ANKRD28: variants seen among roughly 807,000 people sequenced by gnomAD.
ANKRD28 encodes serine/threonine-protein phosphatase 6 regulatory ankyrin repeat subunit A.
A neutral mutation model predicts 126.5 loss-of-function variants in ANKRD28; 44 were observed. That is an observed-to-expected ratio of 0.35 (90% CI 0.27 to 0.45). The LOEUF is 0.45. ANKRD28 is among the 20% of genes least tolerant of loss of function. ANKRD28 has a pLI of 1.00. For synonymous variants in ANKRD28, 442 were observed against 468.5 expected (o/e 0.94, Z 0.73); for missense variants, 1,110 against 1,316.6 (o/e 0.84, Z 2.43).
At chr3:15,725,657 A>T (rs2074102125) in intron 6 of ANKRD28, among the ~76,000 whole-genome samples, 1 of 152,074 alleles carries the variant, frequency 6.6e-6, no homozygotes, top group Admixed American at 6.6e-5. Flanking sequence ...AAACTTTTTC[A>T]ATGTTATTTT....
intron 18 of ANKRD28, among the ~76,000 whole-genome samples, chr3:15,689,406 T>C (rs1354680018): frequency 6.6e-6 from 1 of 152,214 alleles, no homozygotes; most frequent in East Asian, 1.9e-4. Context: ...GCAGCCATCA[T>C]CAAAAGATGA....
At chr3:15,743,863 C>A (rs371841015) in intron 4 of ANKRD28, among the ~76,000 whole-genome samples, 34 of 152,238 alleles carry the variant, frequency 2.2e-4, no homozygotes, top group African/African-American at 7.7e-4. Context: ...TAAGGTAGTA[C>A]GGTATGTGCT....
intron 8 of ANKRD28, 74 bp downstream of exon 8, chr3:15,720,841 C>G: frequency 3.8e-6 from 5 of 1,329,408 alleles, no homozygotes; most frequent in Non-Finnish European, 5.2e-6. Flanking sequence ...TTTTATTGCT[C>G]AATGGTATTC....
In ANKRD28 at chr3:15,694,730, A is replaced by T; in HGVS notation, c.1761+9T>A. 6.2e-7 allele frequency: 1 copy of T among 1,611,260 alleles called. No homozygotes were observed. Among genetic ancestry groups the T allele is most frequent in the Non-Finnish European group, 8.5e-7 (1 of 1,177,510 alleles). On this transcript the variant is annotated intron_variant, in intron 17 of 27. Transcript: ENST00000683139. ...CAGCCATCAAGTCGGCTATGAAGGC[A>T]GTACTCACAGCCAAGTGTAAAGGGC...
intron 1 of ANKRD28, among the ~76,000 whole-genome samples, chr3:15,819,565 A>G (rs1475026115): frequency 6.6e-6 from 1 of 152,194 alleles, no homozygotes; most frequent in Admixed American, 6.5e-5. Flanking sequence ...AGTACAGGAA[A>G]CCAGATGACT....
intron 1 of ANKRD28, 92 bp downstream of exon 1, chr3:15,796,313 A>C: frequency 1.3e-6 from 1 of 759,612 alleles, no homozygotes; most frequent in Non-Finnish European, 1.7e-6. Context: ...TTTGTAAAGA[A>C]ACTATTGGAA....
intron 9 of ANKRD28, 30 bp downstream of exon 9, chr3:15,714,547 AC>A (rs1553604438): frequency 3.4e-6 from 5 of 1,463,654 alleles, no homozygotes; most frequent in African/African-American, 1.5e-5. Flanking sequence ...AAAAAAAAAA[AC>A]CCCAAAAAAA....
At chr3:15,752,170 T>A (rs1032782523) in intron 3 of ANKRD28, among the ~76,000 whole-genome samples, 1 of 152,166 alleles carries the variant, frequency 6.6e-6, no homozygotes, top group Admixed American at 6.5e-5. Context: ...TATAAGAATA[T>A]ACTTGGAGAT....
chr3:15,850,197 A>AT lies in ANKRD28; in HGVS notation c.27+9179_27+9180insA, dbSNP rs1450965953. 9.1e-4 allele frequency among the ~76,000 whole-genome samples: 46 copies of AT among 50,558 alleles called. 1 individual carries two copies. The East Asian group carries it at 0.026, about 29-fold the overall frequency. The allele number at this position is 50,558 out of a possible 152,430, so 33.2% of individuals were successfully genotyped here. On this transcript the variant is annotated intron_variant, in intron 1 of 27. Transcript: ENST00000399451. ...CTGGGTATCTACATGCAATAAAAAA[A>AT]AAAAAAAATATATATATATATATAT...
intron 1 of ANKRD28, among the ~76,000 whole-genome samples, chr3:15,803,088 C>A (rs1315490142): frequency 6.6e-6 from 1 of 152,130 alleles, no homozygotes; most frequent in Admixed American, 6.5e-5. Context: ...ATAGAGAGGC[C>A]TTGTAAACCA....
chr3:15,839,948 C>A lies in ANKRD28; in HGVS notation c.27+19429G>T, dbSNP rs1462879586. Among the ~76,000 whole-genome samples, 1 of 152,172 alleles carries A rather than the reference C, an allele frequency of 6.6e-6. No individual in the cohort carries two copies. The highest frequency in any genetic ancestry group is 1.5e-5 in the Non-Finnish European group (1 of 68,030). ...CCACAGACACATAGCTAGTATCACA[C>A]TGAATGGGGAAAATTGGAAAGTCTA... On this transcript the variant is annotated intron_variant, in intron 1 of 27. Transcript: ENST00000399451. The surrounding 1 kb of genome is among the most constrained non-coding windows in gnomAD (Gnocchi z 4.3).
At chr3:15,722,981 TA>T (rs1163014556) in intron 7 of ANKRD28, among the ~76,000 whole-genome samples, 1 of 152,134 alleles carries the variant, frequency 6.6e-6, no homozygotes, top group African/African-American at 2.4e-5. Context: ...CAGATGTTAC[TA>T]AAAGGCTCTA....
intron 1 of ANKRD28, among the ~76,000 whole-genome samples, chr3:15,824,326 T>C (rs1480963705): frequency 1.3e-5 from 2 of 152,198 alleles, no homozygotes; most frequent in African/African-American, 4.8e-5. Flanking sequence ...GGCTAGTTTT[T>C]TGTATTTTTG....
chr3:15,735,925 T>G (rs929844901), intron 5 of ANKRD28, among the ~76,000 whole-genome samples: 21 of 152,240 alleles, frequency 1.4e-4, no homozygotes, highest in African/African-American at 4.8e-4. Context: ...AGTCACTGCA[T>G]AGTCTGCTTA....
intron 4 of ANKRD28, among the ~76,000 whole-genome samples, chr3:15,742,781 AC>A (rs1226274565): frequency 7.7e-6 from 1 of 129,090 alleles, no homozygotes; most frequent in Non-Finnish European, 1.6e-5. Flanking sequence ...CCGGCCAGCC[AC>A]CCGGTCCGGG....
chr3:15,674,563 T>C (rs1048975725), intron 27 of ANKRD28, among the ~76,000 whole-genome samples: 2 of 152,178 alleles, frequency 1.3e-5, no homozygotes, highest in Non-Finnish European at 2.9e-5. Context: ...CGTGGATATA[T>C]AGAGACTGTG....
chr3:15,780,007 G>C (rs548831196), intron 2 of ANKRD28, among the ~76,000 whole-genome samples: 12 of 152,224 alleles, frequency 7.9e-5, no homozygotes, highest in African/African-American at 2.6e-4. Context: ...TTTCTTCTAA[G>C]ACGAGGGACA....
At chr3:15,708,623 T>A (rs559220795) in intron 13 of ANKRD28, among the ~76,000 whole-genome samples, 2 of 152,312 alleles carry the variant, frequency 1.3e-5, no homozygotes, top group African/African-American at 4.8e-5. Flanking sequence ...TAAACTGGAT[T>A]AAAGTATAAT....
chr3:15,795,647 G>A (rs1019179896), intron 1 of ANKRD28, among the ~76,000 whole-genome samples: 3 of 152,092 alleles, frequency 2.0e-5, no homozygotes, highest in Non-Finnish European at 4.4e-5. Flanking sequence ...ACATCTACTT[G>A]TGGGACAGAA....
Sources: gnomAD v4.1 joint callset for allele counts (sites outside exome capture counted in the v4.1 genomes callset) on GRCh38, gnomAD v4.1.1 for gene constraint, Gnocchi (gnomAD v3.1) non-coding constraint, MANE v1.5 for transcripts, NCBI Gene and HGNC (gene_info 2026-07-23, HGNC 2026-07-21) for gene names.